The following SOX6 variants were observed in gnomAD, a reference collection of about 807,000 sequenced individuals.
The protein encoded by SOX6 is SRY-box transcription factor 6.
SOX6 carries 11 observed loss-of-function variants against 97.8 expected under a neutral mutation model. The ratio of observed to expected loss-of-function variants is 0.11; its 90% CI spans 0.07 to 0.19. SOX6 has a LOEUF of 0.19. Among genes scored for constraint, SOX6 ranks in the 10% least tolerant of loss-of-function variants. SOX6 has a pLI of 1.00. For missense variants in SOX6, 810 were observed against 1,039.5 expected (o/e 0.78, Z 3.04); for synonymous variants, 360 against 371.4 (o/e 0.97, Z 0.35).
At chr11:16,275,105 A>G (rs1401706934) in intron 3 of SOX6, among the ~76,000 whole-genome samples, 1 of 152,144 alleles carries the variant, frequency 6.6e-6, no homozygotes, top group Non-Finnish European at 1.5e-5. Context: ...CTTGAGTTTT[A>G]TAATACATTT....
At chr11:16,476,849 G>T (rs547341243), upstream of SOX6, among the ~76,000 whole-genome samples, 1 of 152,244 alleles carries the variant, frequency 6.6e-6, no homozygotes. Flanking sequence ...CTAAGGCGTG[G>T]AACCCATAAG....
chr11:16,225,996 C>T (rs1030175829), intron 4 of SOX6, among the ~76,000 whole-genome samples: 12 of 152,140 alleles, frequency 7.9e-5, no homozygotes, highest in African/African-American at 2.7e-4. Context: ...CAGTCTTTAA[C>T]AGTGAACTAT....
intron 1 of SOX6, among the ~76,000 whole-genome samples, chr11:16,351,187 T>C (rs1054503160): frequency 6.6e-6 from 1 of 152,022 alleles, no homozygotes; most frequent in African/African-American, 2.4e-5. Context: ...TCATCACTAT[T>C]TTCCTCAATA....
chr11:16,041,764 C>T (rs754658373), intron 12 of SOX6, among the ~76,000 whole-genome samples: 14 of 152,108 alleles, frequency 9.2e-5, no homozygotes, highest in Non-Finnish European at 1.8e-4. Context: ...TTGGCTTTAG[C>T]CAGATCCTAG....
intron 4 of SOX6, among the ~76,000 whole-genome samples, chr11:16,542,875 T>C (rs1053188388): frequency 1.3e-5 from 2 of 152,192 alleles, no homozygotes; most frequent in African/African-American, 2.4e-5. Flanking sequence ...GTGGGTTGTT[T>C]TCTTTTTCAG....
chr11:16,536,902 C>T (rs1265932529), intron 4 of SOX6, among the ~76,000 whole-genome samples: 2 of 152,256 alleles, frequency 1.3e-5, no homozygotes, highest in Admixed American at 6.5e-5. Flanking sequence ...CAGCAGACAA[C>T]TTCTGAAGAC....
intron 3 of SOX6, among the ~76,000 whole-genome samples, chr11:16,642,411 T>G (rs928278970): frequency 6.6e-6 from 1 of 152,156 alleles, no homozygotes; most frequent in Non-Finnish European, 1.5e-5. Flanking sequence ...TTGCTCTTCT[T>G]GAGGAGTATC....
intron 1 of SOX6, among the ~76,000 whole-genome samples, chr11:16,445,796 C>T (rs562563805): frequency 2.0e-5 from 3 of 152,166 alleles, no homozygotes; most frequent in African/African-American, 7.2e-5. Context: ...AAGTCTATCT[C>T]CTTGTATAAA....
At position 16,161,514 on chromosome 11, in the gene SOX6, C is replaced by G. The variant is rs186194892; in HGVS notation, c.777+22372G>C. Among the ~76,000 whole-genome samples the G allele has an allele frequency of 2.0e-5, 3 of 152,004 alleles. No individual in the cohort carries two copies. In the East Asian group the frequency reaches 5.8e-4, roughly 29 times the overall value. Reference sequence around the variant, plus strand: ...AGTAGTAATGGAAACCAAATTACAACAACAAAAATCACATCCAATGCACAT... The same window carrying G: ...AGTAGTAATGGAAACCAAATTACAAGAACAAAAATCACATCCAATGCACAT... On this transcript the variant is annotated intron_variant, in intron 6 of 15. Coordinates refer to ENST00000683767, the MANE Select transcript of SOX6 (RefSeq NM_001367873.1).
At chr11:16,047,399 T>C (rs1432865320) in intron 11 of SOX6, among the ~76,000 whole-genome samples, 1 of 152,000 alleles carries the variant, frequency 6.6e-6, no homozygotes, top group African/African-American at 2.4e-5. Context: ...GCTCCCTCAC[T>C]TCATGACAAT....
At chr11:16,024,119 A>G (rs1855148804) in intron 12 of SOX6, among the ~76,000 whole-genome samples, 1 of 152,114 alleles carries the variant, frequency 6.6e-6, no homozygotes, top group South Asian at 2.1e-4. Context: ...TCTGGACACA[A>G]AAAAGGACAC....
At chr11:16,037,944 T>C (rs1159570921) in intron 12 of SOX6, among the ~76,000 whole-genome samples, 3 of 152,308 alleles carry the variant, frequency 2.0e-5, no homozygotes, top group East Asian at 1.9e-4. Flanking sequence ...AGGCCACTTA[T>C]GTTGATTATA....
chr11:16,626,967 C>T (rs12271141), intron 3 of SOX6, among the ~76,000 whole-genome samples: 29,254 of 152,052 alleles, frequency 0.19, 2,980 homozygotes, highest in African/African-American at 0.23. Context: ...AACCCATTCC[C>T]ACCTCCCTCC....
intron 3 of SOX6, among the ~76,000 whole-genome samples, chr11:16,622,033 C>T (rs1325592928): frequency 1.3e-5 from 2 of 152,018 alleles, no homozygotes; most frequent in African/African-American, 2.4e-5. Context: ...CTTGTGGATG[C>T]CTTTTATTTT....
chr11:16,079,899 A>G (rs1044581591), intron 9 of SOX6, among the ~76,000 whole-genome samples: 6 of 152,074 alleles, frequency 3.9e-5, no homozygotes, highest in Non-Finnish European at 1.5e-5. Context: ...GATACCTTAT[A>G]TATATCAACC....
At chr11:16,098,838 A>G (rs151205663) in intron 7 of SOX6, among the ~76,000 whole-genome samples, 1 of 152,012 alleles carries the variant, frequency 6.6e-6, no homozygotes, top group East Asian at 1.9e-4. Flanking sequence ...AAGGCAGTCA[A>G]CTGGAAAGCA....
chr11:16,095,106 T>C (rs987047578), intron 9 of SOX6, among the ~76,000 whole-genome samples: 2 of 151,888 alleles, frequency 1.3e-5, no homozygotes, highest in African/African-American at 4.8e-5. Flanking sequence ...GAGTTTCCCA[T>C]CCTAGGTTGG....
chr11:16,182,666 A>T (rs778123793), intron 6 of SOX6, among the ~76,000 whole-genome samples: 45 of 151,910 alleles, frequency 3.0e-4, no homozygotes, highest in Non-Finnish European at 5.5e-4. Context: ...TTGAATATGG[A>T]ATACTGAATA....
At chr11:16,639,469 G>A (rs1271558495) in intron 3 of SOX6, among the ~76,000 whole-genome samples, 1 of 152,186 alleles carries the variant, frequency 6.6e-6, no homozygotes, top group Non-Finnish European at 1.5e-5. Flanking sequence ...TTGGTAGCTT[G>A]ATGGGGATGG....
Sources: allele counts gnomAD v4.1 joint callset (sites outside exome capture counted in the v4.1 genomes callset), GRCh38; gene constraint gnomAD v4.1.1; transcripts MANE v1.5; gene names NCBI Gene and HGNC (gene_info 2026-07-23, HGNC 2026-07-21).